Variants in BEND6 observed in about 807,000 individuals in gnomAD.
BEND6 encodes BEN domain-containing protein 6.
BEND6 carries 24 observed loss-of-function variants against 31.8 expected under a neutral mutation model. The observed-to-expected ratio is 0.75, with a 90% CI of 0.55 to 1.06. BEND6 has a LOEUF of 1.06. Among genes scored for constraint, BEND6 ranks in the 50% least tolerant of loss-of-function variants. The pLI is 0.00. For missense variants in BEND6, 294 were observed against 327.4 expected (o/e 0.90, Z 0.79); for synonymous variants, 109 against 114.6 (o/e 0.95, Z 0.31).
chr6:56,988,990 C>A (rs1826391184), intron 2 of BEND6, among the ~76,000 whole-genome samples: 1 of 152,104 alleles, frequency 6.6e-6, no homozygotes, highest in Non-Finnish European at 1.5e-5. Context: ...GAGATCGTGC[C>A]ACTGCACTCC....
intron 1 of BEND6, among the ~76,000 whole-genome samples, chr6:56,969,098 A>T (rs1825597434): frequency 6.6e-6 from 1 of 151,972 alleles, no homozygotes; most frequent in South Asian, 2.1e-4. Context: ...AAGAAAATGA[A>T]GGAAGTAAAA....
intron 3 of BEND6, among the ~76,000 whole-genome samples, chr6:57,000,884 G>GAAAA (rs142783287): frequency 4.0e-5 from 4 of 99,754 alleles, no homozygotes; most frequent in African/African-American, 1.2e-4. Context: ...CACTTCCTCT[G>GAAAA]AAAAAAAAAA....
intron 1 of BEND6, among the ~76,000 whole-genome samples, chr6:56,973,905 C>A (rs866218863): frequency 6.6e-6 from 1 of 152,144 alleles, no homozygotes; most frequent in South Asian, 2.1e-4. Flanking sequence ...AGGTGCACCA[C>A]CATGCCCAGC....
At chr6:57,007,087 C>T (rs542303806) in intron 3 of BEND6, among the ~76,000 whole-genome samples, 2 of 151,970 alleles carry the variant, frequency 1.3e-5, no homozygotes, top group South Asian at 2.1e-4. Context: ...CCTAGGAGTT[C>T]GAGACCACCC....
rs528196534 is a variant in BEND6 at position 56,986,148 on chromosome 6, G to T, written c.120+4218G>T. On this transcript the variant is annotated intron_variant, in intron 2 of 6. Transcript: ENST00000370746. ...TTTAAGATTTATACATTTAACGTGGGTATAGCTATCTGCCTACTTCTGATA... is the reference window on the plus strand; with the variant it reads ...TTTAAGATTTATACATTTAACGTGGTTATAGCTATCTGCCTACTTCTGATA... 2.5e-4 allele frequency among the ~76,000 whole-genome samples: 38 copies of T among 152,084 alleles called. No individual in the cohort carries two copies. In the South Asian group the frequency reaches 7.9e-3, roughly 32 times the overall value.
intron 3 of BEND6, chr6:57,009,065 G>A (rs1827260561): frequency 6.6e-6 from 1 of 152,070 alleles, no homozygotes; most frequent in Non-Finnish European, 1.5e-5. Context: ...GTATACGGAA[G>A]CTAAAAAGAA....
intron 3 of BEND6, among the ~76,000 whole-genome samples, chr6:57,006,319 G>C (rs1036767148): frequency 6.6e-6 from 1 of 152,224 alleles, no homozygotes; most frequent in Non-Finnish European, 1.5e-5. Context: ...AGTTACACAA[G>C]ACCCTGCTCT....
In BEND6 at chr6:56,965,676, T is replaced by TTATATATATATATATA. The variant is rs35074783; in HGVS notation, c.-101+10228_-101+10243dup. ...GATCCTGTCACACACACAAAAAAAT[T>TTATATATATATATATA]TATATATATATATATATATATATAT... is the stretch of plus-strand genomic sequence containing the variant. On this transcript the variant is annotated intron_variant, in intron 1 of 6. Transcript: ENST00000370746. 7.3e-5 allele frequency among the ~76,000 whole-genome samples: 10 copies of TTATATATATATATATA among 136,560 alleles called. No individual in the cohort carries two copies. The East Asian group carries it at 8.4e-4, about 12-fold the overall frequency. 89.6% of individuals were successfully genotyped at this position (136,560 alleles called of 152,430 possible). A position where few individuals can be genotyped will look rare whatever the true frequency, so the allele number is the denominator to read the frequency against.
chr6:57,026,877 T>C lies in BEND6; in HGVS notation c.*805T>C, dbSNP rs1827919444. On this transcript the variant is annotated 3_prime_UTR_variant, in exon 7 of 7. Transcript: ENST00000370746. ...AAGTATATTAAATACAGATGTGTAA[T>C]ATAAAGCATCAATATCACCTAACAC... 1.3e-5 allele frequency: 2 copies of C among 152,218 alleles called. No individual in the cohort carries two copies. Among genetic ancestry groups the C allele is most frequent in the African/African-American group, 4.8e-5 (2 of 41,462 alleles). The allele number at this position is 152,218 out of a possible 1,614,324, so 9.4% of individuals were successfully genotyped here.
At chr6:56,982,012 TTC>T in intron 2 of BEND6, 82 bp downstream of exon 2, 2 of 1,328,240 alleles carry the variant, frequency 1.5e-6, no homozygotes, top group Non-Finnish European at 2.1e-6. Context: ...TTATTAGTGC[TTC>T]TCCCTCTTCT....
intron 1 of BEND6, among the ~76,000 whole-genome samples, chr6:56,979,932 A>G (rs1826012813): frequency 6.6e-6 from 1 of 152,264 alleles, no homozygotes; most frequent in African/African-American, 2.4e-5. Context: ...AAGCATACCT[A>G]GAATCTGGAT....
At chr6:56,969,912 A>T (rs1157549551) in intron 1 of BEND6, among the ~76,000 whole-genome samples, 1 of 152,004 alleles carries the variant, frequency 6.6e-6, no homozygotes, top group Non-Finnish European at 1.5e-5. Context: ...CATAATTTGG[A>T]TGTTGCTTAG....
chr6:57,019,583 T>G (rs545007750), intron 6 of BEND6, among the ~76,000 whole-genome samples: 9 of 152,190 alleles, frequency 5.9e-5, no homozygotes, highest in Non-Finnish European at 1.3e-4. Context: ...AGTAATCCCC[T>G]GCCCCAAACG....
At chr6:56,998,494 G>A (rs1316670646) in intron 3 of BEND6, among the ~76,000 whole-genome samples, 2 of 152,000 alleles carry the variant, frequency 1.3e-5, no homozygotes, top group Admixed American at 6.6e-5. Flanking sequence ...TGTATAGAAA[G>A]GTATTAAATT....
chr6:56,986,634 GTTA>G (rs1442972260), intron 2 of BEND6, among the ~76,000 whole-genome samples: 2 of 152,066 alleles, frequency 1.3e-5, no homozygotes, highest in South Asian at 4.1e-4. Flanking sequence ...GTCTTTTTGA[GTTA>G]TTATTATTTA....
chr6:57,015,359 T>C lies in BEND6; in HGVS notation c.519+6T>C. 6.2e-7 allele frequency: 1 copy of C among 1,601,958 alleles called. No homozygotes were observed. On this transcript the variant is annotated splice_donor_region_variant and intron_variant, in intron 4 of 6. Transcript: ENST00000370746. The stretch of plus-strand genomic sequence containing the variant: ...ATCAGACTGATGAGAAACAGGTCAG[T>C]TGTAATACCCGCCTTATTGTTCTTT...
At position 56,981,692 on chromosome 6, in the gene BEND6, TTTTG is replaced by T. The variant is rs1215406411; in HGVS notation, c.-100-15_-100-12del. ...GTTGTGAATATGTTATGTGTCATGT[TTTTG>T]TTTTTGTTTTTAAGGGAAAGCATTA... On this transcript the variant is annotated splice_polypyrimidine_tract_variant and intron_variant, in intron 1 of 6. Transcript: ENST00000370746. The T allele has an allele frequency of 7.9e-6, 9 of 1,141,004 alleles. No homozygotes were observed. The highest frequency in any genetic ancestry group is 1.0e-5 in the Non-Finnish European group (8 of 797,710). The allele number at this position is 1,141,004 out of a possible 1,614,324, so 70.7% of individuals were successfully genotyped here.
chr6:56,994,453 A>C (rs1171020403), intron 3 of BEND6, among the ~76,000 whole-genome samples: 1 of 74,020 alleles, frequency 1.4e-5, no homozygotes, highest in Non-Finnish European at 2.5e-5. Flanking sequence ...GCGAGACTCC[A>C]TCTCAAAAAA....
intron 1 of BEND6, among the ~76,000 whole-genome samples, chr6:56,974,965 C>G (rs1333986397): frequency 4.0e-5 from 6 of 151,894 alleles, no homozygotes; most frequent in Non-Finnish European, 7.4e-5. Context: ...TACAAAAATA[C>G]AAAATTAGTC....
Sources: gnomAD v4.1 joint callset for allele counts (sites outside exome capture counted in the v4.1 genomes callset) on GRCh38, gnomAD v4.1.1 for gene constraint, MANE v1.5 for transcripts, NCBI Gene and HGNC (gene_info 2026-07-23, HGNC 2026-07-21) for gene names.